TULP4: variants seen among roughly 807,000 people sequenced by gnomAD.
The protein encoded by TULP4 is TUB like protein 4.
Under a neutral mutation model 129.0 loss-of-function variants are expected in TULP4, and 16 were observed. The ratio of observed to expected loss-of-function variants is 0.12; its 90% confidence interval spans 0.08 to 0.19. The LOEUF (loss-of-function observed/expected upper bound fraction) is 0.19. TULP4 is among the 10% of genes least tolerant of loss of function. The probability of loss-of-function intolerance (pLI) is 1.00; values close to 1 mark genes in which losing one functional copy is unlikely to be tolerated. For missense variants in TULP4, 1,842 were observed against 2,059.1 expected (o/e 0.89, Z 2.04); for synonymous variants, 998 against 854.0 (o/e 1.17, Z -2.94).
intron 3 of TULP4, among the ~76,000 whole-genome samples, chr6:158,435,215 G>GCC (rs796754006): frequency 6.6e-6 from 1 of 152,190 alleles, no homozygotes; most frequent in African/African-American, 2.4e-5. Context: ...AGTCAGGGTA[G>GCC]CCCCCTGTCC....
At chr6:158,460,384 G>A (rs1779397026) in intron 5 of TULP4, among the ~76,000 whole-genome samples, 1 of 152,134 alleles carries the variant, frequency 6.6e-6, no homozygotes. Flanking sequence ...TCTCTGCAAA[G>A]TGGGCCACTT....
chr6:158,497,758 A>G lies in TULP4; in HGVS notation c.1871-911A>G, dbSNP rs530044674. On this transcript the variant is annotated intron_variant, in intron 11 of 13. Transcript: ENST00000367097. ...TGGGCAGGAGAAGTTACCTTAACCC[A>G]TACCAGTCCATGGGCCAGCCCCGCA... is the stretch of plus-strand genomic sequence containing the variant. 5.9e-5 allele frequency among the ~76,000 whole-genome samples: 9 copies of G among 152,344 alleles called. No individual in the cohort carries two copies. The South Asian group carries it at 1.5e-3, about 25-fold the overall frequency.
Position 158,503,367 on chromosome 6 carries a change from T to G in TULP4, c.3704T>G (p.Leu1235Arg), listed in dbSNP as rs1278616575. ...VVLQPLYPPSLSYCTLPPMYP... is the reference protein window; with the variant it reads ...VVLQPLYPPSRSYCTLPPMYP... ...CTTCAGCCGCTGTACCCACCCAGCC[T>G]CTCCTATTGCACCCTGCCCCCCATG... Residue 1235 changes from leucine (L) to arginine (R), a missense_variant, in exon 13 of 14, where the codon CTC (leucine) becomes CGC (arginine). By Grantham distance (102) the Leu-to-Arg change is moderately radical (BLOSUM62 -2). Around this residue, in one of 5 missense-constraint regions of TULP4, gnomAD observed 1,089 missense variants for 987.1 expected, o/e 1.10. Transcript: ENST00000367097. The surrounding 1 kb of genome is among the most constrained non-coding windows in gnomAD (Gnocchi z 4.3). 8.7e-6 allele frequency: 14 copies of G among 1,613,600 alleles called. No homozygotes were observed. The highest frequency in any genetic ancestry group is 1.2e-5 in the Non-Finnish European group (14 of 1,179,994).
intron 8 of TULP4, among the ~76,000 whole-genome samples, chr6:158,484,600 A>G (rs149020124): frequency 1.3e-5 from 2 of 152,164 alleles, no homozygotes; most frequent in East Asian, 1.9e-4. Context: ...GTGGATCCTG[A>G]TCTGATTTAG....
intron 1 of TULP4, among the ~76,000 whole-genome samples, chr6:158,359,089 G>A (rs1455961507): frequency 6.6e-6 from 1 of 152,114 alleles, no homozygotes; most frequent in East Asian, 1.9e-4. Context: ...CATTAAGATA[G>A]CCTTCATAGG....
chr6:158,480,116 G>T (rs1443604872), intron 7 of TULP4, 141 bp downstream of exon 7: 1 of 655,878 alleles, frequency 1.5e-6, no homozygotes, highest in Non-Finnish European at 2.6e-6. Flanking sequence ...TGTGCTGCCA[G>T]GTCTGCAGTC....
intron 1 of TULP4, among the ~76,000 whole-genome samples, chr6:158,403,152 T>G (rs1428947960): frequency 1.3e-5 from 2 of 152,170 alleles, no homozygotes; most frequent in African/African-American, 4.8e-5. Flanking sequence ...GTGCACTACT[T>G]GAGCTAGACC....
At chr6:158,495,070 A>T (rs1476786918) in intron 11 of TULP4, among the ~76,000 whole-genome samples, 1 of 151,250 alleles carries the variant, frequency 6.6e-6, no homozygotes, top group East Asian at 1.9e-4. Context: ...TAAATCTTTT[A>T]ACTTTTTTTT....
chr6:158,268,035 C>CTTTTTTTTTTTTTTTTTTTTTTTTTTCT (rs773811376), intron 1 of TULP4, among the ~76,000 whole-genome samples: 1 of 72,770 alleles, frequency 1.4e-5, no homozygotes, highest in Non-Finnish European at 3.1e-5. Context: ...TTTCTTTTTT[C>CTTTTTTTTTTTTTTTTTTTTTTTTTTCT]TTTTTTTTTT....
intron 1 of TULP4, among the ~76,000 whole-genome samples, chr6:158,340,248 C>T (rs1397889827): frequency 4.6e-5 from 7 of 152,116 alleles, no homozygotes; most frequent in Non-Finnish European, 8.8e-5. Context: ...AACTAATTAG[C>T]CATTAAAATG....
chr6:158,388,322 C>CCTTT (rs1375374518), intron 1 of TULP4, among the ~76,000 whole-genome samples: 83 of 86,270 alleles, frequency 9.6e-4, no homozygotes, highest in African/African-American at 4.1e-3. Flanking sequence ...GCTCGTTTTT[C>CCTTT]TTTTTTTTTT....
intron 1 of TULP4, among the ~76,000 whole-genome samples, chr6:158,387,252 C>A (rs1246132377): frequency 6.6e-6 from 1 of 152,088 alleles, no homozygotes; most frequent in East Asian, 1.9e-4. Flanking sequence ...GAGACCCCTG[C>A]TGGTCAGGAA....
rs1780652082 is a variant in TULP4, at chr6:158,508,407, A to G, written c.*1713A>G. On this transcript the variant is annotated 3_prime_UTR_variant, in exon 14 of 14. Coordinates refer to ENST00000367097, the MANE Select transcript of TULP4 (RefSeq NM_020245.5). ...AAAGAAACCGACCCATTTTTTTCCC[A>G]GATCAAGATGACATGACATCACTCC... The G allele has an allele frequency of 1.3e-5, 2 of 152,190 alleles. No homozygotes were observed. Among genetic ancestry groups the G allele is most frequent in the South Asian group, 4.1e-4 (2 of 4,836 alleles). 9.4% of individuals were successfully genotyped at this position (152,190 alleles called of 1,614,324 possible). A position where few individuals can be genotyped will look rare whatever the true frequency, so the allele number is the denominator to read the frequency against.
chr6:158,393,817 G>A (rs975699123), intron 1 of TULP4, among the ~76,000 whole-genome samples: 14 of 152,212 alleles, frequency 9.2e-5, no homozygotes, highest in Non-Finnish European at 2.1e-4. Context: ...GAAAATATCT[G>A]AAATGACCTG....
At chr6:158,289,968 G>T (rs879661182) in intron 1 of TULP4, among the ~76,000 whole-genome samples, 1 of 152,030 alleles carries the variant, frequency 6.6e-6, no homozygotes, top group East Asian at 1.9e-4. Flanking sequence ...TTGAGACAGG[G>T]TCTCACCCTG....
intron 1 of TULP4, among the ~76,000 whole-genome samples, chr6:158,283,340 A>G (rs1250179608): frequency 1.3e-5 from 2 of 152,226 alleles, no homozygotes; most frequent in Non-Finnish European, 1.5e-5. Context: ...GCTACATTCA[A>G]TAATAATTGA....
chr6:158,315,330 C>T (rs1393403788), intron 1 of TULP4, among the ~76,000 whole-genome samples: 1 of 151,966 alleles, frequency 6.6e-6, no homozygotes, highest in Non-Finnish European at 1.5e-5. Context: ...TCTCTGAGGC[C>T]TCTTTTATGA....
At chr6:158,477,484 C>T (rs1369657078) in intron 6 of TULP4, among the ~76,000 whole-genome samples, 2 of 152,186 alleles carry the variant, frequency 1.3e-5, no homozygotes, top group African/African-American at 4.8e-5. Context: ...CAAAAGAAGA[C>T]ATACATGCAG....
chr6:158,332,241 GAGAAA>G (rs1421744606), intron 1 of TULP4, among the ~76,000 whole-genome samples: 25 of 140,634 alleles, frequency 1.8e-4, no homozygotes, highest in Non-Finnish European at 1.2e-4. Context: ...ATTGAAAAGA[GAGAAA>G]CAGTAAGATA....
Sources: gnomAD v4.1 joint callset for allele counts (sites outside exome capture counted in the v4.1 genomes callset) on GRCh38, gnomAD v4.1.1 for gene constraint, gnomAD v4.1.1 regional missense constraint, Gnocchi (gnomAD v3.1) non-coding constraint, MANE v1.5 for transcripts, NCBI Gene and HGNC (gene_info 2026-07-23, HGNC 2026-07-21) for gene names.